Variants in CR1L observed in about 807,000 individuals in gnomAD.
CR1L encodes complement C3b/C4b receptor 1 like, also known as complement component receptor 1-like protein.
Under a neutral mutation model 62.3 loss-of-function variants are expected in CR1L, and 59 were observed. The ratio of observed to expected loss-of-function variants is 0.95; its 90% CI spans 0.77 to 1.18. The LOEUF (loss-of-function observed/expected upper bound fraction) is 1.18. Among genes scored for constraint, CR1L ranks in the 50% most tolerant of loss-of-function variants. The probability of loss-of-function intolerance (pLI) is 0.00; values close to 1 mark genes in which losing one functional copy is unlikely to be tolerated. For missense variants in CR1L, 700 were observed against 702.8 expected, an observed-to-expected ratio of 1.00 and a Z score of 0.04; for synonymous variants, 279 against 248.7, an observed-to-expected ratio of 1.12 and a Z score of -1.15.
chr1:207,701,679 C>T, intron 9 of CR1L, 61 bp downstream of exon 9: 6 of 1,606,560 alleles, frequency 3.7e-6, no homozygotes, highest in Non-Finnish European at 5.1e-6. Context: ...TACCTTCTAG[C>T]CACATCTCAG....
intron 1 of CR1L, among the ~76,000 whole-genome samples, 151 bp downstream of exon 1, chr1:207,645,481 G>T (rs1663106180): frequency 6.6e-6 from 1 of 152,202 alleles, no homozygotes; most frequent in African/African-American, 2.4e-5. Context: ...GCCGTGCTCA[G>T]ATCCCGGGGG....
At chr1:207,702,040 A>G (rs1208713948) in intron 9 of CR1L, among the ~76,000 whole-genome samples, 1 of 152,286 alleles carries the variant, frequency 6.6e-6, no homozygotes. Flanking sequence ...ATTGTACTTC[A>G]CAGATGTTAT....
chr1:207,677,362 C>T (rs557417304), intron 1 of CR1L, 27 bp from the exon 2 acceptor site: 67 of 1,217,838 alleles, frequency 5.5e-5, no homozygotes, highest in East Asian at 8.3e-5. Context: ...CCATTAACTT[C>T]GATGCTGCTG....
intron 1 of CR1L, chr1:207,655,078 A>AC (rs1663284304): frequency 6.6e-6 from 2 of 304,488 alleles, no homozygotes; most frequent in African/African-American, 2.2e-5. Context: ...TTAAGAAACC[A>AC]CCCCCCTCAA....
chr1:207,694,444 C>A lies in CR1L; in HGVS notation c.555C>A (p.Tyr185Ter). 1 of 1,613,972 alleles carries A rather than the reference C, an allele frequency of 6.2e-7. No homozygotes were observed. ...TTCACTATGGATCAGTGGTGACCTA[C>A]CACTGCAATCTTGGAAGCAGAGGGA... ...EYFHYGSVVTYHCNLGSRGKK... is the reference protein window; with the variant it reads ...EYFHYGSVVT Residue 185 changes from tyrosine (Y) to a stop codon, truncating the protein, a stop_gained, in exon 5 of 12, where the codon TAC (tyrosine) becomes TAA (stop). Coordinates refer to ENST00000508064, the MANE Select transcript of CR1L (RefSeq NM_175710.2). LOFTEE classifies it high-confidence loss of function.
chr1:207,710,727 C>G, intron 10 of CR1L: 2 of 1,609,660 alleles, frequency 1.2e-6, no homozygotes, highest in Non-Finnish European at 1.7e-6. Context: ...CCCCCCGCAC[C>G]GTGTGCAATG....
chr1:207,672,985 GA>G (rs1663636641), intron 1 of CR1L, among the ~76,000 whole-genome samples: 1 of 152,120 alleles, frequency 6.6e-6, no homozygotes, highest in South Asian at 2.1e-4. Flanking sequence ...CAGAAAACAA[GA>G]AAATGGCAGA....
intron 3 of CR1L, among the ~76,000 whole-genome samples, chr1:207,682,682 A>G (rs1663818899): frequency 6.6e-6 from 1 of 152,200 alleles, no homozygotes. Context: ...CAGCCATTCC[A>G]ATAACCATGA....
At chr1:207,683,435 C>T (rs901505211) in intron 3 of CR1L, among the ~76,000 whole-genome samples, 1 of 152,078 alleles carries the variant, frequency 6.6e-6, no homozygotes, top group Non-Finnish European at 1.5e-5. Context: ...CTGTGAATGG[C>T]CTACTTAGAT....
intron 9 of CR1L, among the ~76,000 whole-genome samples, chr1:207,704,985 A>G (rs373663703): frequency 5.1e-4 from 78 of 152,298 alleles, no homozygotes; most frequent in Middle Eastern, 3.4e-3. Flanking sequence ...GGAAGTCCAA[A>G]ATCAAGGTGT....
chr1:207,706,778 A>G (rs1664273931), intron 9 of CR1L, among the ~76,000 whole-genome samples: 1 of 152,202 alleles, frequency 6.6e-6, no homozygotes. Flanking sequence ...GCAATTAATA[A>G]GCAAATTTTT....
chr1:207,706,044 T>TATATATATATATATATAA (rs1491230856), intron 9 of CR1L, among the ~76,000 whole-genome samples: 10 of 118,862 alleles, frequency 8.4e-5, no homozygotes, highest in South Asian at 6.0e-4. Flanking sequence ...TATATATATA[T>TATATATATATATATATAA]AAAACACTGA....
chr1:207,715,306 C>A, intron 10 of CR1L: 3 of 1,554,946 alleles, frequency 1.9e-6, no homozygotes, highest in Non-Finnish European at 1.8e-6. Context: ...TTTTTTTTTT[C>A]TTTAGGTTCT....
chr1:207,719,975 G>C (rs1400738711), intron 11 of CR1L, among the ~76,000 whole-genome samples: 1 of 152,146 alleles, frequency 6.6e-6, no homozygotes, highest in Admixed American at 6.5e-5. Context: ...CAACAAGAGA[G>C]AATATTTAAG....
intron 9 of CR1L, among the ~76,000 whole-genome samples, chr1:207,705,734 G>A (rs754346269): frequency 2.6e-5 from 4 of 151,812 alleles, no homozygotes; most frequent in Admixed American, 6.6e-5. Flanking sequence ...ACCTCCCTGC[G>A]GCATGAGGCA....
chr1:207,708,240 G>A lies in CR1L; in HGVS notation c.1391G>A (p.Ser464Asn), dbSNP rs1421847276. 4.3e-6 allele frequency: 7 copies of A among 1,611,430 alleles called. No homozygotes were observed. The East Asian group carries it at 1.6e-4, about 36-fold the overall frequency. Reference sequence around the variant, plus strand: ...CTCTCGGGCAATACTGCCCATTGGAGCATGAAGCCACCAATTTGTCAACGT... The same window carrying A: ...CTCTCGGGCAATACTGCCCATTGGAACATGAAGCCACCAATTTGTCAACGT... Reference protein sequence around the residue: ...CILSGNTAHWSMKPPICQQIF... With the variant: ...CILSGNTAHWNMKPPICQQIF... The change falls in exon 10 of 12, where the codon AGC becomes AAC. Residue 464 changes from serine (S) to asparagine (N), a missense_variant. By Grantham distance (46) the Ser-to-Asn change is conservative (BLOSUM62 1). Coordinates refer to ENST00000508064, the MANE Select transcript of CR1L (RefSeq NM_175710.2).
Position 207,677,369 on chromosome 1 carries a change from G to T in CR1L, c.98-20G>T, listed in dbSNP as rs1326629599. 1.3e-6 allele frequency: 2 copies of T among 1,507,580 alleles called. No individual in the cohort carries two copies. Among genetic ancestry groups the T allele is most frequent in the African/African-American group, 1.4e-5 (1 of 70,030 alleles). The allele number at this position is 1,507,580 out of a possible 1,614,324, so 93.4% of individuals were successfully genotyped here. On this transcript the variant is annotated intron_variant, in intron 1 of 11. Coordinates refer to ENST00000508064, the MANE Select transcript of CR1L (RefSeq NM_175710.2). ...TAATTTCTCCATTAACTTCGATGCT[G>T]CTGTGGTCTTGATCCCCAGATCAAT... is the stretch of plus-strand genomic sequence containing the variant.
chr1:207,648,188 CACACACACACACACACAG>C (rs1195903105), intron 1 of CR1L, among the ~76,000 whole-genome samples: 1 of 104,074 alleles, frequency 9.6e-6, no homozygotes, highest in Admixed American at 8.9e-5. Flanking sequence ...CACACACACA[CACACACACACACACACAG>C]ACACACACAC....
rs34703217 is a variant in CR1L, at chr1:207,679,153, A to ATTTT, written c.377+876_377+879dup. ...GCTGGGACAACAGGTGCCCACCACC[A>ATTTT]TTTTTTTTTTTTTTTTTTTTTTTGT... On this transcript the variant is annotated intron_variant, in intron 3 of 11. Coordinates refer to ENST00000508064, the MANE Select transcript of CR1L (RefSeq NM_175710.2). Among the ~76,000 whole-genome samples the ATTTT allele has an allele frequency of 6.4e-4, 58 of 90,280 alleles. 1 individual carries two copies. The East Asian group carries it at 0.014, about 21-fold the overall frequency. 59.2% of individuals were successfully genotyped at this position (90,280 alleles called of 152,430 possible).
Sources: gnomAD v4.1 joint callset for allele counts (sites outside exome capture counted in the v4.1 genomes callset) on GRCh38, gnomAD v4.1.1 for gene constraint, MANE v1.5 for transcripts, NCBI Gene and HGNC (gene_info 2026-07-23, HGNC 2026-07-21) for gene names.